Variants in NCKAP5 observed in about 807,000 individuals in gnomAD.
The protein encoded by NCKAP5 is NCK associated protein 5, also known as nck-associated protein 5.
In NCKAP5, 92 loss-of-function variants were observed where a neutral mutation model predicts 167.0. The observed-to-expected ratio is 0.55, with a 90% CI of 0.47 to 0.66. The LOEUF (loss-of-function observed/expected upper bound fraction) is 0.66. NCKAP5 is among the 30% of genes least tolerant of loss of function. NCKAP5 has a pLI of 0.00. For missense variants in NCKAP5, 2,378 were observed against 2,315.0 expected (o/e 1.03, Z -0.56); for synonymous variants, 891 against 877.4 (o/e 1.02, Z -0.27).
chr2:133,593,326 G>A, the NCKAP5 span, among the ~76,000 whole-genome samples: 9 of 151,544 alleles, frequency 5.9e-5, no homozygotes, highest in South Asian at 1.9e-3. Flanking sequence ...ATTCAGTTGT[G>A]CACTATAGAT....
chr2:133,455,944 G>A (rs1691830249), intron 3 of NCKAP5, among the ~76,000 whole-genome samples: 1 of 152,142 alleles, frequency 6.6e-6, no homozygotes, highest in Non-Finnish European at 1.5e-5. Flanking sequence ...CTAAACCACA[G>A]GAGCTGGGAA....
chr2:133,617,054 C>G, the NCKAP5 span, among the ~76,000 whole-genome samples: 1 of 152,214 alleles, frequency 6.6e-6, no homozygotes, highest in Non-Finnish European at 1.5e-5. Context: ...ACAAAAACCA[C>G]AGGATTATCT....
chr2:133,564,147 AG>A (rs1249363242), intron 1 of NCKAP5, among the ~76,000 whole-genome samples: 3 of 152,140 alleles, frequency 2.0e-5, no homozygotes, highest in South Asian at 4.2e-4. Flanking sequence ...AAAAAAAAAA[AG>A]TACGTGCTGT....
intron 15 of NCKAP5, 150 bp downstream of exon 15, chr2:132,780,902 G>T: frequency 1.2e-6 from 1 of 828,278 alleles, no homozygotes; most frequent in East Asian, 2.8e-5. Flanking sequence ...CCAGGATTTC[G>T]CTCTCTTTTT....
chr2:133,342,468 C>A (rs1198843864), intron 3 of NCKAP5, among the ~76,000 whole-genome samples: 1 of 152,166 alleles, frequency 6.6e-6, no homozygotes, highest in African/African-American at 2.4e-5. Flanking sequence ...CCTTTTCATG[C>A]AAATCATCTT....
At chr2:133,035,671 C>A (rs891557212) in intron 6 of NCKAP5, among the ~76,000 whole-genome samples, 4 of 150,482 alleles carry the variant, frequency 2.7e-5, no homozygotes, top group Admixed American at 6.6e-5. Flanking sequence ...TGAAAGAATT[C>A]AAAAGAAGGA....
At chr2:133,065,340 T>C (rs1483082249) in intron 6 of NCKAP5, among the ~76,000 whole-genome samples, 1 of 152,184 alleles carries the variant, frequency 6.6e-6, no homozygotes, top group Non-Finnish European at 1.5e-5. Context: ...TCAATAAAAA[T>C]TGTTGGCCAG....
At chr2:132,711,599 G>A (rs1244740216) in intron 19 of NCKAP5, among the ~76,000 whole-genome samples, 7 of 152,064 alleles carry the variant, frequency 4.6e-5, no homozygotes, top group Admixed American at 2.0e-4. Context: ...ACTGAGTTAC[G>A]TATCAAAGGA....
chr2:133,082,010 T>C (rs1437817123), intron 6 of NCKAP5, among the ~76,000 whole-genome samples: 1 of 152,072 alleles, frequency 6.6e-6, no homozygotes, highest in Non-Finnish European at 1.5e-5. Context: ...ACTTGATAGG[T>C]GGTTTTTCGA....
At chr2:132,830,858 A>T (rs927688674) in intron 11 of NCKAP5, among the ~76,000 whole-genome samples, 1 of 152,202 alleles carries the variant, frequency 6.6e-6, no homozygotes, top group East Asian at 1.9e-4. Context: ...AGATAATGTA[A>T]AAGTGTATAT....
chr2:133,250,791 A>C (rs998972708), intron 4 of NCKAP5, among the ~76,000 whole-genome samples: 12 of 152,070 alleles, frequency 7.9e-5, no homozygotes, highest in African/African-American at 2.7e-4. Flanking sequence ...TTAGTTGTGC[A>C]TGATGGCACA....
Position 133,056,733 on chromosome 2 carries a change from G to C in NCKAP5, c.342-62494C>G, listed in dbSNP as rs2079814596. On this transcript the variant is annotated intron_variant, in intron 6 of 19. Coordinates refer to ENST00000409261, the MANE Select transcript of NCKAP5 (RefSeq NM_207363.3). ...TTTTTAAGTTACAAGTACTATATGG[G>C]AGTGCACATTTGATACCGTCATAAC... Among the ~76,000 whole-genome samples the C allele has an allele frequency of 2.0e-5, 3 of 152,166 alleles. No individual in the cohort carries two copies. In the South Asian group the frequency reaches 6.2e-4, roughly 32 times the overall value.
intron 8 of NCKAP5, among the ~76,000 whole-genome samples, chr2:132,890,691 A>G (rs1692624759): frequency 6.6e-6 from 1 of 152,174 alleles, no homozygotes; most frequent in Non-Finnish European, 1.5e-5. Flanking sequence ...ATTATAATTC[A>G]AACTTACGGG....
intron 2 of NCKAP5, among the ~76,000 whole-genome samples, chr2:133,543,798 G>A (rs1686427073): frequency 6.6e-6 from 1 of 152,152 alleles, no homozygotes; most frequent in Non-Finnish European, 1.5e-5. Context: ...TCCTTTGTGT[G>A]TCTACAACTT....
At chr2:133,227,198 CA>C (rs1333888995) in intron 4 of NCKAP5, among the ~76,000 whole-genome samples, 1 of 152,144 alleles carries the variant, frequency 6.6e-6, no homozygotes, top group Non-Finnish European at 1.5e-5. Context: ...ACTTCTTCAA[CA>C]TGCCATTTCT....
intron 16 of NCKAP5, among the ~76,000 whole-genome samples, chr2:132,756,303 G>A (rs956952108): frequency 2.6e-5 from 4 of 152,116 alleles, no homozygotes; most frequent in Non-Finnish European, 5.9e-5. Flanking sequence ...TAGGAAATGG[G>A]AACTTGAAAA....
At chr2:133,073,198 G>A (rs765890366) in intron 6 of NCKAP5, among the ~76,000 whole-genome samples, 10 of 151,982 alleles carry the variant, frequency 6.6e-5, no homozygotes, top group Non-Finnish European at 1.3e-4. Flanking sequence ...AAAACGGGGT[G>A]TCTGTAGGCT....
the NCKAP5 span, among the ~76,000 whole-genome samples, chr2:133,593,544 T>A: frequency 6.6e-6 from 1 of 152,220 alleles, no homozygotes; most frequent in Non-Finnish European, 1.5e-5. Context: ...GTCTGTATTA[T>A]TTTTTATTCT....
At chr2:132,745,741 T>G (rs2105632712) in intron 16 of NCKAP5, among the ~76,000 whole-genome samples, 1 of 152,118 alleles carries the variant, frequency 6.6e-6, no homozygotes, top group South Asian at 2.1e-4. Context: ...TAATAAGTGG[T>G]TTAGCAAGGT....
Sources: allele counts gnomAD v4.1 joint callset (sites outside exome capture counted in the v4.1 genomes callset), GRCh38; gene constraint gnomAD v4.1.1; transcripts MANE v1.5; gene names NCBI Gene and HGNC (gene_info 2026-07-23, HGNC 2026-07-21).